TMEM94: variants seen among roughly 807,000 people sequenced by gnomAD.
TMEM94 encodes the protein transmembrane protein 94, also known as ER Mg2+ ATPase.
A neutral mutation model predicts 158.6 loss-of-function variants in TMEM94; 81 were observed. The ratio of observed to expected loss-of-function variants is 0.51; its 90% CI spans 0.43 to 0.61. TMEM94 has a LOEUF of 0.61. Among genes scored for constraint, TMEM94 ranks in the 20% least tolerant of loss-of-function variants. The pLI is 0.00. For synonymous variants in TMEM94, 751 were observed against 730.7 expected, an observed-to-expected ratio of 1.03 and a Z score of -0.45; for missense variants, 1,435 against 1,762.0, an observed-to-expected ratio of 0.81 and a Z score of 3.32.
chr17:75,498,552 C>G lies in TMEM94; in HGVS notation c.3733+14C>G. 6.2e-7 allele frequency: 1 copy of G among 1,612,118 alleles called. No homozygotes were observed. Among genetic ancestry groups the G allele is most frequent in the Non-Finnish European group, 8.5e-7 (1 of 1,179,048 alleles). On this transcript the variant is annotated intron_variant, in intron 29 of 31. Coordinates refer to ENST00000314256, the MANE Select transcript of TMEM94 (RefSeq NM_014738.6). This position sits in a 1 kb window ranked among gnomAD's most constrained non-coding sequence, Gnocchi z 6.7. Reference sequence around the variant, plus strand: ...TCCTGCACACTGGTGAGAGGGCTCCCTGGGAGGGCGTGGATGATGGTGGGA... The same window carrying G: ...TCCTGCACACTGGTGAGAGGGCTCCGTGGGAGGGCGTGGATGATGGTGGGA...
chr17:75,462,006 G>GT lies in TMEM94; in HGVS notation c.-107+5259dup, dbSNP rs1319139834. Among the ~76,000 whole-genome samples the GT allele has an allele frequency of 4.2e-4, 42 of 100,442 alleles. 1 individual carries two copies. The highest frequency in any genetic ancestry group is 7.4e-4 in the African/African-American group (17 of 22,994). 65.9% of individuals were successfully genotyped at this position (100,442 alleles called of 152,430 possible). On this transcript the variant is annotated intron_variant, in intron 1 of 31. Transcript: ENST00000314256. ...TTTACAGTTTTTTTTGTTTTGTTTT[G>GT]TTTTGTTTTTTTTTTTTTTGAGGCA... is the stretch of plus-strand genomic sequence containing the variant.
chr17:75,496,888 GGCTGGGGTTA>G lies in TMEM94; in HGVS notation c.3321+84_3321+93del, dbSNP rs1333648924. On this transcript the variant is annotated intron_variant, in intron 25 of 31. Transcript: ENST00000314256. ...GGCCAGCTGAAAATCTGAGGAAGGAGGCTGGGGTTAGCAGTACAGTCAAGGGGTCCCCCCA... is the reference window on the plus strand; with the variant it reads ...GGCCAGCTGAAAATCTGAGGAAGGAGGCAGTACAGTCAAGGGGTCCCCCCA... 4.1e-5 allele frequency: 60 copies of G among 1,471,220 alleles called. No homozygotes were observed. In the African/African-American group the frequency reaches 7.6e-4, roughly 19 times the overall value. The allele number at this position is 1,471,220 out of a possible 1,614,324, so 91.1% of individuals were successfully genotyped here.
intron 26 of TMEM94, 97 bp from the exon 27 acceptor site, chr17:75,497,684 C>T (rs376236194): frequency 3.3e-5 from 31 of 931,872 alleles, no homozygotes; most frequent in Admixed American, 1.8e-4. Flanking sequence ...TCACCAGACT[C>T]GACCTCACGC....
At chr17:75,478,147 C>G (rs2050839374) in intron 2 of TMEM94, among the ~76,000 whole-genome samples, 2 of 129,008 alleles carry the variant, frequency 1.6e-5, no homozygotes, top group African/African-American at 5.7e-5. Flanking sequence ...TCCCAAGTAG[C>G]TGGGACGACA....
At chr17:75,460,394 A>C (rs2050024223) in intron 1 of TMEM94, among the ~76,000 whole-genome samples, 1 of 152,338 alleles carries the variant, frequency 6.6e-6, no homozygotes, top group Middle Eastern at 3.4e-3. Context: ...TGTATGCTGG[A>C]CAAAGACTCA....
chr17:75,463,627 TCTAA>T (rs1475448256), intron 1 of TMEM94, among the ~76,000 whole-genome samples: 2 of 152,206 alleles, frequency 1.3e-5, no homozygotes, highest in African/African-American at 4.8e-5. Context: ...TGAAATTGCA[TCTAA>T]CTAAGCCATT....
Position 75,492,346 on chromosome 17 carries a change from C to T in TMEM94, c.1597-128C>T, listed in dbSNP as rs948656746. 2.0e-5 allele frequency: 29 copies of T among 1,442,148 alleles called. No individual in the cohort carries two copies. In the African/African-American group the frequency reaches 3.6e-4, roughly 18 times the overall value. The allele number at this position is 1,442,148 out of a possible 1,614,324, so 89.3% of individuals were successfully genotyped here. On this transcript the variant is annotated intron_variant, in intron 14 of 31. Transcript: ENST00000314256. This position sits in a 1 kb window ranked among gnomAD's most constrained non-coding sequence, Gnocchi z 4.4. ...GGAGCGGGTGGAAGAGGGTGAGCAG[C>T]AGCTCTCTCCTGGGAAGGGTGCCTT... is the stretch of plus-strand genomic sequence containing the variant.
chr17:75,478,810 C>T (rs1223122573), intron 2 of TMEM94, among the ~76,000 whole-genome samples: 1 of 152,202 alleles, frequency 6.6e-6, no homozygotes, highest in Non-Finnish European at 1.5e-5. Flanking sequence ...GAAGTAGGGC[C>T]TCCCTTCCCC....
At chr17:75,461,180 A>G (rs920362138) in intron 1 of TMEM94, among the ~76,000 whole-genome samples, 2 of 142,310 alleles carry the variant, frequency 1.4e-5, no homozygotes, top group Non-Finnish European at 3.0e-5. Flanking sequence ...ACTTACTGCA[A>G]TCTCCGCCTC....
chr17:75,496,941 C>T, intron 25 of TMEM94, 134 bp downstream of exon 25: 1 of 1,106,150 alleles, frequency 9.0e-7, no homozygotes, highest in East Asian at 2.4e-5. Flanking sequence ...TGTGAAGCCC[C>T]TGGGCTTTTT....
At position 75,493,905 on chromosome 17, in the gene TMEM94, G is replaced by A. The variant is rs753667329; in HGVS notation, c.2396G>A (p.Trp799Ter). Residue 799 changes from tryptophan to a stop codon, truncating the protein, a stop_gained, in exon 18 of 32, where the codon TGG becomes TAG. Transcript: ENST00000314256. LOFTEE classifies it high-confidence loss of function. Reference protein sequence around the residue: ...PIKQNARRSSWSSDEGIGEVL... With the variant: ...PIKQNARRSS ...AAGCAGAACGCCCGCCGCAGCAGCTGGAGCTCTGACGGTACCTCATGGGTC... is the reference window on the plus strand; with the variant it reads ...AAGCAGAACGCCCGCCGCAGCAGCTAGAGCTCTGACGGTACCTCATGGGTC... The A allele has an allele frequency of 6.2e-7, 1 of 1,611,626 alleles. No homozygotes were observed. Among genetic ancestry groups the A allele is most frequent in the African/African-American group, 1.3e-5 (1 of 74,936 alleles).
chr17:75,471,665 G>A, intron 1 of TMEM94, 135 bp from the exon 2 acceptor site: 2 of 430,294 alleles, frequency 4.6e-6, no homozygotes, highest in Non-Finnish European at 8.6e-6. Flanking sequence ...AGTGAGCCGA[G>A]ATCGCGCCAC....
chr17:75,479,159 A>G (rs1419863020), intron 2 of TMEM94, among the ~76,000 whole-genome samples: 1 of 152,068 alleles, frequency 6.6e-6, no homozygotes, highest in Non-Finnish European at 1.5e-5. Flanking sequence ...CACATGTCAA[A>G]GCTGAGGCAC....
rs2051896660 is a variant in TMEM94, at chr17:75,489,085, GTC to G, written c.765-177_765-176del. On this transcript the variant is annotated intron_variant, in intron 7 of 31. Transcript: ENST00000314256. This position sits in a 1 kb window ranked among gnomAD's most constrained non-coding sequence, Gnocchi z 5.0. ...TTAGACTGAGTGGTGCCCTCTCCCAGTCTCTACTCTGAGGGGACAGCTCTGGA... is the reference window on the plus strand; with the variant it reads ...TTAGACTGAGTGGTGCCCTCTCCCAGTCTACTCTGAGGGGACAGCTCTGGA... Among the ~76,000 whole-genome samples the G allele has an allele frequency of 6.6e-6, 1 of 152,238 alleles. No homozygotes were observed. The highest frequency in any genetic ancestry group is 2.4e-5 in the African/African-American group (1 of 41,466).
intron 18 of TMEM94, 93 bp from the exon 19 acceptor site, chr17:75,494,534 G>A (rs74515851): frequency 0.043 from 56,921 of 1,313,042 alleles, 1,630 homozygotes; most frequent in Middle Eastern, 0.11. Flanking sequence ...GGGCCCATAT[G>A]CTCATTGATT....
At position 75,492,830 on chromosome 17, in the gene TMEM94, C is replaced by T. The variant is rs1349458259; in HGVS notation, c.1912+41C>T. 2 of 1,585,472 alleles carry T rather than the reference C, an allele frequency of 1.3e-6. No individual in the cohort carries two copies. The highest frequency in any genetic ancestry group is 1.3e-5 in the African/African-American group (1 of 74,516). On this transcript the variant is annotated intron_variant, in intron 15 of 31. Coordinates refer to ENST00000314256, the MANE Select transcript of TMEM94 (RefSeq NM_014738.6). This position sits in a 1 kb window ranked among gnomAD's most constrained non-coding sequence, Gnocchi z 4.4. ...GCAGGGGATGGCTGGCTGGACCCGC[C>T]TCCTAGAAGAGGCCCAGTACCAACT...
At chr17:75,464,994 C>T (rs1382996660) in intron 1 of TMEM94, among the ~76,000 whole-genome samples, 2 of 151,790 alleles carry the variant, frequency 1.3e-5, no homozygotes, top group African/African-American at 2.4e-5. Context: ...CCACTGCACC[C>T]GGCTCTTTTT....
chr17:75,461,504 G>T (rs1216912175), intron 1 of TMEM94, among the ~76,000 whole-genome samples: 3 of 151,992 alleles, frequency 2.0e-5, no homozygotes, highest in East Asian at 3.9e-4. Flanking sequence ...GTATAAAAAA[G>T]AATTTTTTTA....
In TMEM94 at chr17:75,496,051, C is replaced by T; in HGVS notation, c.3030C>T (p.Cys1010=). The change falls in exon 23 of 32, where the codon TGC becomes TGT. Residue 1010 remains cysteine (C), a synonymous_variant. Coordinates refer to ENST00000314256, the MANE Select transcript of TMEM94 (RefSeq NM_014738.6). ...GCTCTGCCAACCTGCGGAACAGCTG[C>T]CTCTTCCTCCAGAGCGACATCAGGT... The part of the protein sequence containing the change: ...LGSSANLRNS[C]LFLQSDISIA... 6.2e-7 allele frequency: 1 copy of T among 1,612,620 alleles called. No homozygotes were observed. The highest frequency in any genetic ancestry group is 8.5e-7 in the Non-Finnish European group (1 of 1,179,642).
Sources: gnomAD v4.1 joint callset for allele counts (sites outside exome capture counted in the v4.1 genomes callset) on GRCh38, gnomAD v4.1.1 for gene constraint, Gnocchi (gnomAD v3.1) non-coding constraint, MANE v1.5 for transcripts, NCBI Gene and HGNC (gene_info 2026-07-23, HGNC 2026-07-21) for gene names.